Variants in TRPV4 observed in about 807,000 individuals in gnomAD.
TRPV4 encodes transient receptor potential cation channel subfamily V member 4.
A neutral mutation model predicts 84.1 loss-of-function variants in TRPV4; 58 were observed. The observed-to-expected ratio is 0.69, with a 90% CI of 0.56 to 0.86. The LOEUF (loss-of-function observed/expected upper bound fraction) is 0.86, where lower values mean the gene tolerates loss of function less well. Ranked by LOEUF, TRPV4 falls within the 40% of genes least tolerant of loss-of-function variation. The pLI is 0.00. For synonymous variants in TRPV4, 489 were observed against 500.9 expected, an observed-to-expected ratio of 0.98 and a Z score of 0.32; for missense variants, 879 against 1,181.1, an observed-to-expected ratio of 0.74 and a Z score of 3.75.
Position 109,814,417 on chromosome 12 carries a change from ATCT to A in TRPV4, c.377_379del (p.Lys126del), listed in dbSNP as rs1385840781. 6.2e-7 allele frequency: 1 copy of A among 1,614,054 alleles called. No homozygotes were observed. The highest frequency in any genetic ancestry group is 8.5e-7 in the Non-Finnish European group (1 of 1,179,978). ...GGAAGCTAACAATACTCACTCTATG[ATCT>A]TCTTCCTCCACCTCTTGTTGTCACT... On this transcript the variant is annotated inframe_deletion, in exon 2 of 16. Transcript: ENST00000261740. The surrounding 1 kb of genome is among the most constrained non-coding windows in gnomAD (Gnocchi z 5.4).
Position 109,793,683 on chromosome 12 carries a change from A to G in TRPV4, c.1585-83T>C. The G allele has an allele frequency of 8.3e-7, 1 of 1,203,796 alleles. No homozygotes were observed. Among genetic ancestry groups the G allele is most frequent in the East Asian group, 2.3e-5 (1 of 42,704 alleles). 74.6% of individuals were successfully genotyped at this position (1,203,796 alleles called of 1,614,324 possible). ...AGAGAGGAGACAGAGAAAGGGATAG[A>G]AGAGAGGGAGGCAGAGGCTGGTACA... On this transcript the variant is annotated intron_variant, in intron 9 of 15. Coordinates refer to ENST00000261740, the MANE Select transcript of TRPV4 (RefSeq NM_021625.5). This position sits in a 1 kb window ranked among gnomAD's most constrained non-coding sequence, Gnocchi z 4.0.
chr12:109,794,187 G>A, intron 8 of TRPV4, 142 bp downstream of exon 8: 2 of 1,207,244 alleles, frequency 1.7e-6, no homozygotes, highest in South Asian at 1.3e-5. Context: ...ACCCGTGGAT[G>A]CTGGAGGGCG....
rs1565889845 is a variant in TRPV4, at chr12:109,827,781, A to ATACAC, written c.-32+5568_-32+5569insGTGTA. 1.6e-4 allele frequency among the ~76,000 whole-genome samples: 25 copies of ATACAC among 151,588 alleles called. 1 individual carries two copies. Among genetic ancestry groups the ATACAC allele is most frequent in the Non-Finnish European group, 1.5e-5 (1 of 67,894 alleles). ...ACACACATACACACATATATACACA[A>ATACAC]ACATACACATAAACATATAGTCATA... On this transcript the variant is annotated intron_variant, in intron 1 of 15. Transcript: ENST00000261740.
chr12:109,818,288 C>T (rs1214341122), intron 1 of TRPV4, among the ~76,000 whole-genome samples: 6 of 152,226 alleles, frequency 3.9e-5, no homozygotes, highest in South Asian at 4.1e-4. Context: ...TGCTGGGATC[C>T]GCCATGCCGG....
Position 109,800,525 on chromosome 12 carries a change from T to C in TRPV4, c.853+93A>G, listed in dbSNP as rs749182034. The C allele has an allele frequency of 4.0e-6, 6 of 1,511,888 alleles. No individual in the cohort carries two copies. The Admixed American group carries it at 5.2e-5, about 13-fold the overall frequency. The allele number at this position is 1,511,888 out of a possible 1,614,324, so 93.7% of individuals were successfully genotyped here. A position where few individuals can be genotyped will look rare whatever the true frequency, so the allele number is the denominator to read the frequency against. On this transcript the variant is annotated intron_variant, in intron 5 of 15. Coordinates refer to ENST00000261740, the MANE Select transcript of TRPV4 (RefSeq NM_021625.5). ...GCCAGAGTGGCCCTGGGTGTCTGGG[T>C]GATGGTCAGGGCTGCAGACACCAAC...
In TRPV4 at chr12:109,793,097, T is replaced by C. The variant is rs776286703; in HGVS notation, c.1659-280A>G. 5.3e-5 allele frequency among the ~76,000 whole-genome samples: 8 copies of C among 152,198 alleles called. No homozygotes were observed. Among genetic ancestry groups the C allele is most frequent in the South Asian group, 2.1e-4 (1 of 4,816 alleles). On this transcript the variant is annotated intron_variant, in intron 10 of 15. Coordinates refer to ENST00000261740, the MANE Select transcript of TRPV4 (RefSeq NM_021625.5). The surrounding 1 kb of genome is among the most constrained non-coding windows in gnomAD (Gnocchi z 4.0). ...TTAGTGGTGTTCAGTGGAGATTTTG[T>C]GGCTAAGTGAATTTCATCATTCTCC...
chr12:109,783,849 A>G lies in TRPV4; in HGVS notation c.2459-71T>C. On this transcript the variant is annotated intron_variant, in intron 15 of 15. Transcript: ENST00000261740. The surrounding 1 kb of genome is among the most constrained non-coding windows in gnomAD (Gnocchi z 4.6). ...GAGAGCGTGCGTATATTGAGTGCCTACTGTGTACTGGGCACTCCACAGTGT... is the reference window on the plus strand; with the variant it reads ...GAGAGCGTGCGTATATTGAGTGCCTGCTGTGTACTGGGCACTCCACAGTGT... 6.4e-7 allele frequency: 1 copy of G among 1,561,356 alleles called. No homozygotes were observed. Among genetic ancestry groups the G allele is most frequent in the South Asian group, 1.1e-5 (1 of 87,778 alleles).
At chr12:109,830,498 G>A (rs1263623891) in intron 1 of TRPV4, among the ~76,000 whole-genome samples, 3 of 152,176 alleles carry the variant, frequency 2.0e-5, no homozygotes, top group Non-Finnish European at 4.4e-5. Flanking sequence ...CATAACAGCA[G>A]CCACTTATCT....
rs920465333 is a variant in TRPV4, at chr12:109,815,070, C to T, written c.-31-243G>A. Among the ~76,000 whole-genome samples, 4 of 152,214 alleles carry T rather than the reference C, an allele frequency of 2.6e-5. No homozygotes were observed. Among genetic ancestry groups the T allele is most frequent in the African/African-American group, 9.6e-5 (4 of 41,466 alleles). On this transcript the variant is annotated intron_variant, in intron 1 of 15. Coordinates refer to ENST00000261740, the MANE Select transcript of TRPV4 (RefSeq NM_021625.5). This position sits in a 1 kb window ranked among gnomAD's most constrained non-coding sequence, Gnocchi z 4.1. ...TGGCCCCAGGTCCAACTACCCTGGG[C>T]ATTAGCTGAAAGAGGGTGGACTTCA...
chr12:109,813,765 G>A (rs1226985587), intron 2 of TRPV4, among the ~76,000 whole-genome samples: 1 of 151,824 alleles, frequency 6.6e-6, no homozygotes, highest in African/African-American at 2.4e-5. Flanking sequence ...ATGATATATG[G>A]ATGGATGGAT....
At chr12:109,812,532 A>C (rs560413604) in intron 2 of TRPV4, among the ~76,000 whole-genome samples, 2 of 152,190 alleles carry the variant, frequency 1.3e-5, no homozygotes, top group Non-Finnish European at 2.9e-5. Flanking sequence ...CAAAAATGGA[A>C]GAAAAGATGA....
chr12:109,802,075 G>A (rs1890819153), intron 4 of TRPV4, among the ~76,000 whole-genome samples: 1 of 151,736 alleles, frequency 6.6e-6, no homozygotes, highest in South Asian at 2.1e-4. Context: ...AGCATCTTAG[G>A]GCCAGATCCC....
intron 1 of TRPV4, among the ~76,000 whole-genome samples, chr12:109,820,597 A>ACTG (rs1223711627): frequency 7.5e-6 from 1 of 134,078 alleles, no homozygotes; most frequent in African/African-American, 2.9e-5. Context: ...ATCTCCACTC[A>ACTG]CTGCAAGCTC....
chr12:109,798,167 C>T lies in TRPV4; in HGVS notation c.1152+447G>A, dbSNP rs1890526702. On this transcript the variant is annotated intron_variant, in intron 6 of 15. Transcript: ENST00000261740. This position sits in a 1 kb window ranked among gnomAD's most constrained non-coding sequence, Gnocchi z 5.0. ...GATGCAGATCAATGTCTGGCAATAGCACAAGACGGTCCCCACCACAAAGAG... is the reference window on the plus strand; with the variant it reads ...GATGCAGATCAATGTCTGGCAATAGTACAAGACGGTCCCCACCACAAAGAG... 6.6e-6 allele frequency among the ~76,000 whole-genome samples: 1 copy of T among 152,160 alleles called. No individual in the cohort carries two copies. The highest frequency in any genetic ancestry group is 2.1e-4 in the South Asian group (1 of 4,822).
At chr12:109,808,580 A>G in intron 2 of TRPV4, 112 bp from the exon 3 acceptor site, 2 of 1,003,312 alleles carry the variant, frequency 2.0e-6, no homozygotes, top group Non-Finnish European at 2.9e-6. Flanking sequence ...CTGAAGCCTT[A>G]CAAGGAACAG....
At chr12:109,803,176 C>A in intron 3 of TRPV4, 33 bp from the exon 4 acceptor site, 1 of 1,612,216 alleles carries the variant, frequency 6.2e-7, no homozygotes, top group Non-Finnish European at 8.5e-7. Flanking sequence ...TGACGCAGTG[C>A]TCCAGCCCAT....
intron 1 of TRPV4, among the ~76,000 whole-genome samples, chr12:109,818,689 T>C (rs1335398176): frequency 6.6e-6 from 1 of 152,234 alleles, no homozygotes; most frequent in African/African-American, 2.4e-5. Flanking sequence ...CAAGTGTTTC[T>C]TGGGCACCTA....
In TRPV4 at chr12:109,793,396, T is replaced by C. The variant is rs540365143; in HGVS notation, c.1658+131A>G. 2.5e-6 allele frequency: 2 copies of C among 813,932 alleles called. No individual in the cohort carries two copies. Among genetic ancestry groups the C allele is most frequent in the South Asian group, 2.7e-5 (2 of 73,322 alleles). 50.4% of individuals were successfully genotyped at this position (813,932 alleles called of 1,614,324 possible). ...TATTGTTTGTGGCTTTGTCCTGACTTTGGGTTAGAGCTGCCCAGGTTGGGT... is the reference window on the plus strand; with the variant it reads ...TATTGTTTGTGGCTTTGTCCTGACTCTGGGTTAGAGCTGCCCAGGTTGGGT... On this transcript the variant is annotated intron_variant, in intron 10 of 15. Transcript: ENST00000261740. The surrounding 1 kb of genome is among the most constrained non-coding windows in gnomAD (Gnocchi z 4.0).
rs759183450 is a variant in TRPV4 at position 109,814,548 on chromosome 12, G to A, written c.249C>T (p.Ile83=). 3 of 1,614,006 alleles carry A rather than the reference G, an allele frequency of 1.9e-6. No individual in the cohort carries two copies. The highest frequency in any genetic ancestry group is 3.3e-5 in the Admixed American group (2 of 60,002). Residue 83 remains isoleucine, a synonymous_variant, in exon 2 of 16, where the codon ATC becomes ATT. Coordinates refer to ENST00000261740, the MANE Select transcript of TRPV4 (RefSeq NM_021625.5). This position sits in a 1 kb window ranked among gnomAD's most constrained non-coding sequence, Gnocchi z 5.4. ...GAFRKGVPNP[I]DLLESTLYES... The stretch of plus-strand genomic sequence containing the variant: ...CATATAGGGTGGACTCCAGCAGATC[G>A]ATGGGGTTGGGCACCCCCTTGCGGA...
Sources: gnomAD v4.1 joint callset for allele counts (sites outside exome capture counted in the v4.1 genomes callset) on GRCh38, gnomAD v4.1.1 for gene constraint, Gnocchi (gnomAD v3.1) non-coding constraint, MANE v1.5 for transcripts, NCBI Gene and HGNC (gene_info 2026-07-23, HGNC 2026-07-21) for gene names.